The following CEP97 variants were observed in gnomAD, a reference collection of about 807,000 sequenced individuals.
CEP97 encodes centrosomal protein of 97 kDa.
In CEP97, 43 loss-of-function variants were observed where a neutral mutation model predicts 73.1. The ratio of observed to expected loss-of-function variants is 0.59; its 90% CI spans 0.46 to 0.76. CEP97 has a LOEUF of 0.76. Ranked by LOEUF, CEP97 falls within the 30% of genes least tolerant of loss-of-function variation. CEP97 has a pLI of 0.00. For synonymous variants in CEP97, 337 were observed against 370.0 expected, an observed-to-expected ratio of 0.91 and a Z score of 1.02; for missense variants, 939 against 1,014.0, an observed-to-expected ratio of 0.93 and a Z score of 1.00.
intron 7 of CEP97, 94 bp from the exon 8 acceptor site, chr3:101,756,969 A>T: frequency 8.3e-7 from 1 of 1,206,458 alleles, no homozygotes. Flanking sequence ...GAGAACTTGT[A>T]AACTTCTGCC....
At chr3:101,725,865 CTTTTTTTTTTTGT>C (rs1560005990) in intron 1 of CEP97, among the ~76,000 whole-genome samples, 1 of 136,104 alleles carries the variant, frequency 7.3e-6, no homozygotes, top group African/African-American at 2.6e-5. Flanking sequence ...GTTCTCAGTC[CTTTTTTTTTTTGT>C]TTTTTTTTTT....
rs1300090025 is a variant in CEP97 at position 101,765,366 on chromosome 3, T to A, written c.2413T>A (p.Phe805Ile). 6.2e-7 allele frequency: 1 copy of A among 1,614,200 alleles called. No individual in the cohort carries two copies. The highest frequency in any genetic ancestry group is 8.5e-7 in the Non-Finnish European group (1 of 1,180,024). The stretch of plus-strand genomic sequence containing the variant: ...AGATAGCAAACTTCACATTGCTTGT[T>A]TCCCAGTACAGTTAGATACATTGTC... Reference protein sequence around the residue: ...TRDSKLHIACFPVQLDTLSDG... With the variant: ...TRDSKLHIACIPVQLDTLSDG... Residue 805 changes from phenylalanine to isoleucine, a missense_variant, in exon 11 of 11, where the codon TTC becomes ATC. Phe to Ile is a conservative substitution (Grantham distance 21, BLOSUM62 0). Coordinates refer to ENST00000341893, the MANE Select transcript of CEP97 (RefSeq NM_024548.4).
chr3:101,743,308 A>C (rs1201880402), intron 6 of CEP97, among the ~76,000 whole-genome samples: 1 of 151,956 alleles, frequency 6.6e-6, no homozygotes. Context: ...TCCTCACTAG[A>C]AGTAACTTTA....
intron 6 of CEP97, among the ~76,000 whole-genome samples, chr3:101,733,404 A>G (rs1576678291): frequency 6.6e-6 from 1 of 152,182 alleles, no homozygotes; most frequent in East Asian, 1.9e-4. Context: ...TAAGGGCAGT[A>G]TTAGTAGTAT....
intron 10 of CEP97, chr3:101,763,052 TTGA>T (rs1178668136): frequency 3.2e-6 from 4 of 1,233,808 alleles, no homozygotes; most frequent in African/African-American, 1.6e-5. Context: ...CAAATACTTC[TTGA>T]TGATAATTTC....
intron 6 of CEP97, among the ~76,000 whole-genome samples, chr3:101,733,306 TTG>T (rs1938171928): frequency 6.6e-6 from 1 of 152,090 alleles, no homozygotes; most frequent in African/African-American, 2.4e-5. Context: ...TCACAAAAGC[TTG>T]TAATATATTA....
rs1364690600 is a variant in CEP97 at position 101,757,742 on chromosome 3, G to A, written c.1136G>A (p.Arg379Gln). The A allele has an allele frequency of 5.0e-6, 8 of 1,614,064 alleles. No homozygotes were observed. Among genetic ancestry groups the A allele is most frequent in the Admixed American group, 1.7e-5 (1 of 60,004 alleles). ...TCTGTACACACTACGAGATATTCTCGAAATGATCTGCACCTGGAAGACATA... is the reference window on the plus strand; with the variant it reads ...TCTGTACACACTACGAGATATTCTCAAAATGATCTGCACCTGGAAGACATA... ...PASVHTTRYS[R>Q]NDLHLEDIQT... The change falls in exon 9 of 11, where the codon CGA (arginine) becomes CAA (glutamine). Residue 379 changes from arginine to glutamine, a missense_variant. Coordinates refer to ENST00000341893, the MANE Select transcript of CEP97 (RefSeq NM_024548.4).
At chr3:101,738,754 G>A (rs894855105) in intron 6 of CEP97, among the ~76,000 whole-genome samples, 4 of 151,876 alleles carry the variant, frequency 2.6e-5, no homozygotes, top group Non-Finnish European at 4.4e-5. Flanking sequence ...AATTAACACC[G>A]TAACATAACA....
rs369737424 is a variant in CEP97 at position 101,743,917 on chromosome 3, T to C, written c.728+11263T>C. Among the ~76,000 whole-genome samples, 23 of 150,682 alleles carry C rather than the reference T, an allele frequency of 1.5e-4. 1 individual carries two copies. The highest frequency in any genetic ancestry group is 1.1e-3 in the Admixed American group (16 of 15,020). Reference sequence around the variant, plus strand: ...TACTTGGGAGGCTGAGGCAGGAGAATCACTTGAATCCGAGAGGCAGAGGTT... The same window carrying C: ...TACTTGGGAGGCTGAGGCAGGAGAACCACTTGAATCCGAGAGGCAGAGGTT... On this transcript the variant is annotated intron_variant, in intron 6 of 10. Transcript: ENST00000341893.
At chr3:101,733,569 C>G (rs1472702740) in intron 6 of CEP97, among the ~76,000 whole-genome samples, 1 of 150,794 alleles carries the variant, frequency 6.6e-6, no homozygotes, top group Admixed American at 6.6e-5. Context: ...CTCGCTCTGT[C>G]GCCCAGACTG....
At chr3:101,730,659 A>G (rs567186697) in intron 4 of CEP97, among the ~76,000 whole-genome samples, 2 of 152,242 alleles carry the variant, frequency 1.3e-5, no homozygotes, top group East Asian at 3.9e-4. Context: ...TTCACTTAGA[A>G]AAAAACATGT....
intron 6 of CEP97, among the ~76,000 whole-genome samples, chr3:101,733,341 G>T (rs1459144346): frequency 1.3e-5 from 2 of 152,074 alleles, no homozygotes; most frequent in South Asian, 4.2e-4. Flanking sequence ...TATAAGGGCC[G>T]TATTTTTTAT....
intron 6 of CEP97, among the ~76,000 whole-genome samples, chr3:101,745,049 A>T (rs1938571970): frequency 6.6e-6 from 1 of 152,190 alleles, no homozygotes; most frequent in Admixed American, 6.5e-5. Context: ...CTCAGAGTTA[A>T]GCGTACCTGT....
At chr3:101,724,743 C>A (rs1458878342) in intron 1 of CEP97, 24 bp downstream of exon 1, 1 of 1,613,206 alleles carries the variant, frequency 6.2e-7, no homozygotes, top group East Asian at 2.2e-5. Flanking sequence ...TACCCCGAGT[C>A]CTAAGGTTTA....
intron 6 of CEP97, among the ~76,000 whole-genome samples, chr3:101,739,166 A>AGGC (rs1938369726): frequency 6.6e-6 from 1 of 152,212 alleles, no homozygotes; most frequent in African/African-American, 2.4e-5. Flanking sequence ...TCTGATATTG[A>AGGC]GGCAGTAGTT....
intron 10 of CEP97, among the ~76,000 whole-genome samples, chr3:101,762,894 T>C (rs576081379): frequency 2.0e-5 from 3 of 152,328 alleles, no homozygotes; most frequent in African/African-American, 7.2e-5. Context: ...TTTGGGAATA[T>C]TTGAATGAAT....
In CEP97 at chr3:101,764,830, T is replaced by C. The variant is rs756202902; in HGVS notation, c.1894-17T>C. 5 of 1,566,356 alleles carry C rather than the reference T, an allele frequency of 3.2e-6. No homozygotes were observed. The African/African-American group carries it at 6.9e-5, about 22-fold the overall frequency. On this transcript the variant is annotated splice_polypyrimidine_tract_variant and intron_variant, in intron 10 of 10. Coordinates refer to ENST00000341893, the MANE Select transcript of CEP97 (RefSeq NM_024548.4). ...CACTTTTTATTTTATAATACAACTG[T>C]ATTCTCTGGTTTATAGGTAAGGTCT...
chr3:101,732,501 C>T lies in CEP97; in HGVS notation c.575C>T (p.Ala192Val), dbSNP rs1938144791. 2 of 1,602,134 alleles carry T rather than the reference C, an allele frequency of 1.2e-6. No homozygotes were observed. The highest frequency in any genetic ancestry group is 1.3e-5 in the African/African-American group (1 of 74,638). Residue 192 changes from alanine (A) to valine (V), a missense_variant, in exon 6 of 11, where the codon GCA becomes GTA. By Grantham distance (64) the Ala-to-Val change is moderately conservative (BLOSUM62 0). Transcript: ENST00000341893. ...IRDLNEISFLASLTELEQLSI... is the reference protein window; with the variant it reads ...IRDLNEISFLVSLTELEQLSI... ...CTTTTGTTCCAGATCTCTTTTTTGG[C>T]ATCCTTAACTGAATTGGAACAGTTG...
chr3:101,729,591 T>G (rs1425525512), intron 4 of CEP97, among the ~76,000 whole-genome samples: 5 of 152,002 alleles, frequency 3.3e-5, no homozygotes, highest in Admixed American at 6.6e-5. Flanking sequence ...TGTCTTTATT[T>G]TTTTTTGAGA....
Sources: allele counts gnomAD v4.1 joint callset (sites outside exome capture counted in the v4.1 genomes callset), GRCh38; gene constraint gnomAD v4.1.1; transcripts MANE v1.5; gene names NCBI Gene and HGNC (gene_info 2026-07-23, HGNC 2026-07-21).